The following NKAIN3 variants were observed in gnomAD, a reference collection of about 807,000 sequenced individuals.
NKAIN3 encodes sodium/potassium-transporting ATPase subunit beta-1-interacting protein 3.
In NKAIN3, 25 loss-of-function variants were observed where a neutral mutation model predicts 30.2. The ratio of observed to expected loss-of-function variants is 0.83; its 90% CI spans 0.60 to 1.16. The LOEUF (loss-of-function observed/expected upper bound fraction) is 1.16, where lower values mean the gene tolerates loss of function less well. Ranked by LOEUF, NKAIN3 falls within the 50% of genes most tolerant of loss-of-function variation. NKAIN3 has a pLI of 0.00. For missense variants in NKAIN3, 225 were observed against 254.1 expected, an observed-to-expected ratio of 0.89 and a Z score of 0.78; for synonymous variants, 91 against 89.6, an observed-to-expected ratio of 1.02 and a Z score of -0.09.
chr8:62,812,023 A>G (rs558395362), intron 4 of NKAIN3, among the ~76,000 whole-genome samples: 3 of 152,128 alleles, frequency 2.0e-5, no homozygotes, highest in African/African-American at 7.2e-5. Flanking sequence ...ATTTTTGAAT[A>G]AGAAAATTTA....
chr8:62,669,943 C>T (rs1813247417), intron 3 of NKAIN3, among the ~76,000 whole-genome samples: 1 of 152,100 alleles, frequency 6.6e-6, no homozygotes. Context: ...TTCCTCCCAC[C>T]AGTTTTGTGC....
chr8:62,364,828 C>CAAAAA (rs58784999), intron 1 of NKAIN3, among the ~76,000 whole-genome samples: 4,110 of 63,600 alleles, frequency 0.065, 1,008 homozygotes, highest in African/African-American at 0.17. Flanking sequence ...GACTCCACTA[C>CAAAAA]AAAAAAAAAA....
intron 3 of NKAIN3, among the ~76,000 whole-genome samples, chr8:62,628,094 G>C (rs577333566): frequency 2.6e-5 from 4 of 152,024 alleles, no homozygotes; most frequent in Non-Finnish European, 5.9e-5. Flanking sequence ...TCCATTCATG[G>C]TGACTTGGAT....
At position 62,855,919 on chromosome 8, in the gene NKAIN3, G is replaced by A. The variant is rs565698153; in HGVS notation, c.472-62534G>A. The A allele has an allele frequency of 7.0e-5, 53 of 756,518 alleles. 1 individual carries two copies. Among genetic ancestry groups the A allele is most frequent in the South Asian group, 3.2e-4 (23 of 72,370 alleles). 46.9% of individuals were successfully genotyped at this position (756,518 alleles called of 1,614,324 possible). ...ATGTTCCTGCGGGGTGTGTATCTGC[G>A]TGATGCTACAACCTCCTTGTCCAGA... On this transcript the variant is annotated intron_variant, in intron 4 of 6. Coordinates refer to ENST00000623646, the MANE Select transcript of NKAIN3 (RefSeq NM_001304533.3).
intron 5 of NKAIN3, among the ~76,000 whole-genome samples, chr8:62,927,735 A>C (rs1187683052): frequency 2.0e-5 from 3 of 152,162 alleles, no homozygotes; most frequent in Admixed American, 6.5e-5. Flanking sequence ...ATGAGCTGTC[A>C]TTATGTCCTT....
At chr8:62,959,094 T>C (rs1823497419) in intron 6 of NKAIN3, among the ~76,000 whole-genome samples, 1 of 152,206 alleles carries the variant, frequency 6.6e-6, no homozygotes, top group South Asian at 2.1e-4. Context: ...CTAATTTTTC[T>C]TCACAAAAAT....
chr8:62,697,440 G>A (rs1234560651), intron 3 of NKAIN3, among the ~76,000 whole-genome samples: 1 of 152,156 alleles, frequency 6.6e-6, no homozygotes, highest in Non-Finnish European at 1.5e-5. Flanking sequence ...TTTTTCTCAA[G>A]TGTTACTTTC....
intron 3 of NKAIN3, among the ~76,000 whole-genome samples, chr8:62,736,595 G>A (rs1171014423): frequency 6.6e-6 from 1 of 152,080 alleles, no homozygotes; most frequent in African/African-American, 2.4e-5. Flanking sequence ...CTGAGAACTT[G>A]CCCCAGGCTA....
intron 4 of NKAIN3, among the ~76,000 whole-genome samples, chr8:62,883,698 G>A (rs1024940549): frequency 2.0e-5 from 3 of 151,722 alleles, no homozygotes; most frequent in Admixed American, 1.3e-4. Context: ...GTTTTTTGTA[G>A]ATGTTTTTTG....
intron 1 of NKAIN3, among the ~76,000 whole-genome samples, chr8:62,393,077 A>T (rs1232839091): frequency 6.6e-6 from 1 of 152,084 alleles, no homozygotes; most frequent in East Asian, 1.9e-4. Flanking sequence ...CGTAAATGAA[A>T]CATTATTAGT....
chr8:62,768,127 G>A (rs958429827), intron 4 of NKAIN3, among the ~76,000 whole-genome samples: 5 of 151,988 alleles, frequency 3.3e-5, no homozygotes, highest in Admixed American at 3.3e-4. Flanking sequence ...ATCCATCATT[G>A]GACTGTTCTA....
intron 3 of NKAIN3, among the ~76,000 whole-genome samples, chr8:62,667,571 A>G (rs1353047461): frequency 2.0e-5 from 3 of 151,754 alleles, no homozygotes; most frequent in African/African-American, 4.8e-5. Context: ...TTCCAAATGT[A>G]TCATGAAGCA....
intron 4 of NKAIN3, among the ~76,000 whole-genome samples, chr8:62,780,463 C>A (rs1464999017): frequency 1.3e-5 from 2 of 151,964 alleles, no homozygotes; most frequent in Non-Finnish European, 2.9e-5. Flanking sequence ...TAATACCAAA[C>A]CCAGACAAGG....
chr8:62,903,134 T>C (rs1440777468), intron 4 of NKAIN3, among the ~76,000 whole-genome samples: 1 of 152,170 alleles, frequency 6.6e-6, no homozygotes, highest in African/African-American at 2.4e-5. Flanking sequence ...CTTGAATAAA[T>C]GTGATGCTGT....
rs550270984 is a variant in NKAIN3 at position 62,355,541 on chromosome 8, T to C, written c.54+106414T>C. Among the ~76,000 whole-genome samples, 7 of 152,258 alleles carry C rather than the reference T, an allele frequency of 4.6e-5. No individual in the cohort carries two copies. The South Asian group carries it at 1.5e-3, about 32-fold the overall frequency. On this transcript the variant is annotated intron_variant, in intron 1 of 6. Transcript: ENST00000623646. ...CAAGGTAACTCAGCATCACAGATGA[T>C]TTTCCTGTTTTCTCAATTTTTCTAA... is the stretch of plus-strand genomic sequence containing the variant.
At position 62,492,445 on chromosome 8, in the gene NKAIN3, C is replaced by T. The variant is rs187913688; in HGVS notation, c.55-87094C>T. On this transcript the variant is annotated intron_variant, in intron 1 of 6. Coordinates refer to ENST00000623646, the MANE Select transcript of NKAIN3 (RefSeq NM_001304533.3). ...TGGTCCTAATTTTCTTCTTATCTTA[C>T]TGGATACTATATCTGTTGCCTATGT... Among the ~76,000 whole-genome samples, 166 of 152,204 alleles carry T rather than the reference C, an allele frequency of 1.1e-3. 2 individuals carry two copies. In the Middle Eastern group the frequency reaches 0.02, roughly 19 times the overall value.
chr8:62,606,105 A>G (rs1341677760), intron 3 of NKAIN3, among the ~76,000 whole-genome samples: 1 of 152,064 alleles, frequency 6.6e-6, no homozygotes, highest in African/African-American at 2.4e-5. Context: ...ATGTGCGTCG[A>G]TCCACCATCT....
intron 4 of NKAIN3, among the ~76,000 whole-genome samples, chr8:62,822,506 A>C (rs1238839448): frequency 1.3e-5 from 2 of 152,168 alleles, no homozygotes; most frequent in African/African-American, 4.8e-5. Flanking sequence ...TAAATACCTA[A>C]ATTAACTAAT....
At chr8:62,993,444 T>C (rs1804023973) in intron 5 of NKAIN3, among the ~76,000 whole-genome samples, 1 of 152,214 alleles carries the variant, frequency 6.6e-6, no homozygotes, top group Non-Finnish European at 1.5e-5. Context: ...TAATAGTGAC[T>C]GTCTTAATCT....
Sources: allele counts gnomAD v4.1 joint callset (sites outside exome capture counted in the v4.1 genomes callset), GRCh38; gene constraint gnomAD v4.1.1; transcripts MANE v1.5; gene names NCBI Gene and HGNC (gene_info 2026-07-23, HGNC 2026-07-21).